Variants in RHPN1 observed in about 807,000 individuals in gnomAD.
The protein encoded by RHPN1 is rhophilin Rho GTPase binding protein 1, also known as rhophilin-1.
Under a neutral mutation model 74.7 loss-of-function variants are expected in RHPN1, and 77 were observed. The ratio of observed to expected loss-of-function variants is 1.03; its 90% CI spans 0.86 to 1.25. The LOEUF is 1.25. Among genes scored for constraint, RHPN1 ranks in the 50% most tolerant of loss-of-function variants. RHPN1 has a pLI of 0.00. For synonymous variants in RHPN1, 444 were observed against 414.5 expected, an observed-to-expected ratio of 1.07 and a Z score of -0.87; for missense variants, 987 against 932.2, an observed-to-expected ratio of 1.06 and a Z score of -0.77.
intron 2 of RHPN1, 63 bp downstream of exon 2, chr8:143,375,731 G>T: frequency 7.9e-7 from 1 of 1,265,984 alleles, no homozygotes; most frequent in South Asian, 1.3e-5. Flanking sequence ...GGGCAGGACA[G>T]CCACGCAGGC....
chr8:143,381,606 G>A lies in RHPN1; in HGVS notation c.1523G>A (p.Trp508Ter), dbSNP rs1818735558. ...TCTGTGTTCTCAGCCAAGAACCGGT[G>A]GCGGCTGGTGGGGCCCGTCCACCTG... is the stretch of plus-strand genomic sequence containing the variant. Reference protein sequence around the residue: ...PLSVFSAKNRWRLVGPVHLTR... With the variant: ...PLSVFSAKNR The change falls in exon 13 of 15, where the codon TGG becomes TAG. Residue 508 changes from tryptophan to a stop codon, truncating the protein, a stop_gained. Coordinates refer to ENST00000289013, the MANE Select transcript of RHPN1 (RefSeq NM_052924.3). LOFTEE classifies it high-confidence loss of function. 1 of 1,610,140 alleles carries A rather than the reference G, an allele frequency of 6.2e-7. No homozygotes were observed.
chr8:143,382,294 A>G, intron 14 of RHPN1, 142 bp from the exon 15 acceptor site: 1 of 740,250 alleles, frequency 1.4e-6, no homozygotes, highest in East Asian at 2.7e-5. Context: ...GGCCCCTGCT[A>G]TGTGGCCACC....
At chr8:143,365,415 C>T (rs972943224), upstream of RHPN1, among the ~76,000 whole-genome samples, 4 of 152,238 alleles carry the variant, frequency 2.6e-5, no homozygotes, top group African/African-American at 7.2e-5. Context: ...ACCCCCTCCT[C>T]CTGGCTGCCT....
rs745360570 is a variant in RHPN1, at chr8:143,380,681, C to T, written c.1309C>T (p.Arg437Trp). 8.2e-6 allele frequency: 13 copies of T among 1,580,088 alleles called. No homozygotes were observed. The highest frequency in any genetic ancestry group is 1.3e-5 in the African/African-American group (1 of 74,186). ...CGTCCTGCGCGAGGTGGACCTGCTT[C>T]GGGCTGTGATCTCCCAGACGCTGCA... ...CRVLREVDLL[R>W]AVISQTLQRS... Residue 437 changes from arginine (R) to tryptophan (W), a missense_variant, in exon 11 of 15, where the codon CGG becomes TGG. By Grantham distance (101) the Arg-to-Trp change is moderately radical (BLOSUM62 -3). Transcript: ENST00000289013.
chr8:143,364,261 C>G (rs76732664), upstream of RHPN1, among the ~76,000 whole-genome samples: 6,290 of 152,320 alleles, frequency 0.041, 441 homozygotes, highest in African/African-American at 0.14. This position sits in a 1 kb window ranked among gnomAD's most constrained non-coding sequence, Gnocchi z 4.5. Context: ...TTCCCCTTCC[C>G]CATATCCTTT....
chr8:143,365,687 A>T, upstream of RHPN1, among the ~76,000 whole-genome samples: 1 of 152,224 alleles, frequency 6.6e-6, no homozygotes, highest in East Asian at 1.9e-4. Flanking sequence ...ACACTTGCAA[A>T]GTACTGGTCC....
intron 11 of RHPN1, 151 bp from the exon 12 acceptor site, chr8:143,381,117 G>A: frequency 1.5e-6 from 1 of 680,710 alleles, no homozygotes. Context: ...GGGCACACCT[G>A]GGGCAGCTCC....
rs146345043 is a variant in RHPN1, at chr8:143,374,377, C to T, written c.61-1176C>T. 2.5e-4 allele frequency: 242 copies of T among 949,322 alleles called. 2 individuals are homozygous for T. In the African/African-American group the frequency reaches 3.8e-3, roughly 15 times the overall value. The allele number at this position is 949,322 out of a possible 1,614,324, so 58.8% of individuals were successfully genotyped here. On this transcript the variant is annotated intron_variant, in intron 1 of 14. Coordinates refer to ENST00000289013, the MANE Select transcript of RHPN1 (RefSeq NM_052924.3). ...AAGAGGTCCTGTCTCCCGACAAGGG[C>T]GGGAAGCAGTCCCAGGAGCCACCAG...
At chr8:143,372,615 G>A (rs994769033) in intron 1 of RHPN1, among the ~76,000 whole-genome samples, 12 of 151,728 alleles carry the variant, frequency 7.9e-5, no homozygotes, top group South Asian at 6.2e-4. Context: ...CCATCCCTCC[G>A]GCCGCCTGTG....
chr8:143,365,739 T>C (rs144565583), upstream of RHPN1, among the ~76,000 whole-genome samples: 568 of 152,338 alleles, frequency 3.7e-3, 3 homozygotes, highest in Non-Finnish European at 4.9e-3. Context: ...GGCTCACACC[T>C]GTAATCCCAG....
chr8:143,378,807 CTCT>C lies in RHPN1; in HGVS notation c.577_579del (p.Phe193del). On this transcript the variant is annotated inframe_deletion, in exon 6 of 15. Coordinates refer to ENST00000289013, the MANE Select transcript of RHPN1 (RefSeq NM_052924.3). ...CCTCACCCCTGCCAGGAGCCTCGGG[CTCT>C]TCTTCCACTGGTAGGGGCTCTGCGG... The C allele has an allele frequency of 1.3e-6, 2 of 1,565,104 alleles. No homozygotes were observed. The highest frequency in any genetic ancestry group is 1.2e-5 in the South Asian group (1 of 85,228).
chr8:143,378,366 A>ACCCCCCCCCCCCC lies in RHPN1; in HGVS notation c.459+23_459+24insCCCCCCCCCCCCC. Reference sequence around the variant, plus strand: ...CGGCAGGTGTGTGGTTCCCCCGCCCACCCACCCTCCTGCAGCCCTGGGAGA... The same window carrying ACCCCCCCCCCCCC: ...CGGCAGGTGTGTGGTTCCCCCGCCCACCCCCCCCCCCCCCCCACCCTCCTGCAGCCCTGGGAGA... On this transcript the variant is annotated intron_variant, in intron 5 of 14. Transcript: ENST00000289013. 1.5e-6 allele frequency: 1 copy of ACCCCCCCCCCCCC among 678,642 alleles called. No homozygotes were observed. The highest frequency in any genetic ancestry group is 1.7e-5 in the South Asian group (1 of 57,972). The allele number at this position is 678,642 out of a possible 1,614,324, so 42.0% of individuals were successfully genotyped here.
At chr8:143,379,745 G>A (rs906220190) in intron 8 of RHPN1, 84 bp from the exon 9 acceptor site, 97 of 1,494,652 alleles carry the variant, frequency 6.5e-5, no homozygotes, top group Middle Eastern at 2.4e-4. Context: ...GATGGTGGTC[G>A]GAGCAGGTGG....
chr8:143,377,259 C>T, intron 3 of RHPN1, 121 bp from the exon 4 acceptor site: 1 of 704,060 alleles, frequency 1.4e-6, no homozygotes, highest in Non-Finnish European at 2.4e-6. Flanking sequence ...GACACAGGCG[C>T]ACGTGCACAC....
intron 11 of RHPN1, 128 bp downstream of exon 11, chr8:143,380,911 T>C (rs1818679140): frequency 2.4e-6 from 2 of 832,356 alleles, no homozygotes; most frequent in Non-Finnish European, 3.6e-6. Flanking sequence ...AGTAGCACTT[T>C]CCAGGCCACG....
intron 1 of RHPN1, 92 bp downstream of exon 1, chr8:143,369,139 C>G: frequency 1.0e-6 from 1 of 994,724 alleles, no homozygotes; most frequent in Non-Finnish European, 1.4e-6. Flanking sequence ...CGCCCCCCTC[C>G]TACGTCTCAT....
intron 10 of RHPN1, 77 bp downstream of exon 10, chr8:143,380,252 T>C: frequency 2.0e-6 from 2 of 1,015,388 alleles, no homozygotes; most frequent in Non-Finnish European, 2.8e-6. Flanking sequence ...ACCACCCTCA[T>C]GCTGTTTGCC....
At position 143,376,524 on chromosome 8, in the gene RHPN1, G is replaced by T; in HGVS notation, c.177-1G>T. On this transcript the variant is annotated splice_acceptor_variant, in intron 2 of 14. Transcript: ENST00000289013. LOFTEE classifies it high-confidence loss of function. ...CTTTCAACTGCCGCGGCCTCCCTCA[G>T]AGCCACCAGCAACAACCGGGTGAGA... The T allele has an allele frequency of 1.2e-6, 2 of 1,612,168 alleles. No homozygotes were observed. Among genetic ancestry groups the T allele is most frequent in the South Asian group, 2.2e-5 (2 of 90,990 alleles).
rs776975102 is a variant in RHPN1, at chr8:143,382,868, C to G, written c.*217C>G. 2 of 582,612 alleles carry G rather than the reference C, an allele frequency of 3.4e-6. No individual in the cohort carries two copies. The highest frequency in any genetic ancestry group is 2.8e-5 in the East Asian group (1 of 35,308). The allele number at this position is 582,612 out of a possible 1,614,324, so 36.1% of individuals were successfully genotyped here. Reference sequence around the variant, plus strand: ...CCCACACACAGAAGGATGCCAGTCCCTCTGTCGGTCTGAGGTCAGCTTCCT... The same window carrying G: ...CCCACACACAGAAGGATGCCAGTCCGTCTGTCGGTCTGAGGTCAGCTTCCT... On this transcript the variant is annotated 3_prime_UTR_variant, in exon 15 of 15. Transcript: ENST00000289013.
Sources: gnomAD v4.1 joint callset for allele counts (sites outside exome capture counted in the v4.1 genomes callset) on GRCh38, gnomAD v4.1.1 for gene constraint, Gnocchi (gnomAD v3.1) non-coding constraint, MANE v1.5 for transcripts, NCBI Gene and HGNC (gene_info 2026-07-23, HGNC 2026-07-21) for gene names.